Variants in TRPV1 observed in about 807,000 individuals in gnomAD.
TRPV1 encodes the protein OTRPC1.
Under a neutral mutation model 82.3 loss-of-function variants are expected in TRPV1, and 82 were observed. The observed-to-expected ratio is 1.00, with a 90% CI of 0.83 to 1.20. The LOEUF is 1.20. Among genes scored for constraint, TRPV1 ranks in the 50% most tolerant of loss-of-function variants. The probability of loss-of-function intolerance (pLI) is 0.00; values close to 1 mark genes in which losing one functional copy is unlikely to be tolerated. For missense variants in TRPV1, 1,067 were observed against 1,096.8 expected, an observed-to-expected ratio of 0.97 and a Z score of 0.38; for synonymous variants, 515 against 467.7, an observed-to-expected ratio of 1.10 and a Z score of -1.30.
chr17:3,605,078 C>T (rs992005040), intron 2 of TRPV1, among the ~76,000 whole-genome samples: 2 of 152,200 alleles, frequency 1.3e-5, no homozygotes, highest in African/African-American at 2.4e-5. Context: ...CCTAGCCTGA[C>T]CCCACTGCCT....
chr17:3,579,826 C>T (rs889570369), intron 11 of TRPV1, among the ~76,000 whole-genome samples: 5 of 152,186 alleles, frequency 3.3e-5, no homozygotes, highest in African/African-American at 7.2e-5. Context: ...CCTCCTAAAG[C>T]GGTGGTTCTC....
rs201836044 is a variant in TRPV1, at chr17:3,585,878, C to G, written c.1273G>C (p.Asp425His). The G allele has an allele frequency of 1.1e-5, 18 of 1,614,016 alleles. No homozygotes were observed. Among genetic ancestry groups the G allele is most frequent in the Non-Finnish European group, 1.5e-5 (18 of 1,179,880 alleles). Reference sequence around the variant, plus strand: ...CGCTTGACGAATCTGTCCCACTTGTCCTGCAGGAGTCGGTTCAGCGGCTCC... The same window carrying G: ...CGCTTGACGAATCTGTCCCACTTGTGCTGCAGGAGTCGGTTCAGCGGCTCC... ...LVEPLNRLLQ[D>H]KWDRFVKRIF... The change falls in exon 9 of 17, where the codon GAC (aspartate) becomes CAC (histidine). Residue 425 changes from aspartate to histidine, a missense_variant. Coordinates refer to ENST00000572705, the MANE Select transcript of TRPV1 (RefSeq NM_080704.4).
intron 7 of TRPV1, 61 bp from the exon 8 acceptor site, chr17:3,588,428 C>A: frequency 1.3e-6 from 2 of 1,515,578 alleles, no homozygotes; most frequent in Non-Finnish European, 1.8e-6. Context: ...CAGACAGTAC[C>A]TCAACAACCA....
At chr17:3,590,164 C>T (rs1597541855) in intron 6 of TRPV1, 59 bp from the exon 7 acceptor site, 1 of 1,585,436 alleles carries the variant, frequency 6.3e-7, no homozygotes, top group Non-Finnish European at 8.6e-7. Flanking sequence ...GCCCCTGAAC[C>T]ACCGGCCTCC....
intron 16 of TRPV1, among the ~76,000 whole-genome samples, chr17:3,569,791 AAAGGGTGTT>A (rs2074822440): frequency 6.6e-6 from 1 of 152,148 alleles, no homozygotes; most frequent in South Asian, 2.1e-4. Flanking sequence ...CAGAGTATTT[AAAGGGTGTT>A]AAGAAGGTCT....
chr17:3,596,303 C>T (rs1226237554), intron 2 of TRPV1, among the ~76,000 whole-genome samples: 1 of 116,258 alleles, frequency 8.6e-6, no homozygotes, highest in Non-Finnish European at 1.5e-5. Context: ...AAGCATCCAT[C>T]CATCCATCCA....
chr17:3,565,813 C>T lies in TRPV1; in HGVS notation c.*1002G>A, dbSNP rs2074753442. The T allele has an allele frequency of 6.6e-6, 1 of 152,256 alleles. No homozygotes were observed. Among genetic ancestry groups the T allele is most frequent in the Admixed American group, 6.5e-5 (1 of 15,272 alleles). 9.4% of individuals were successfully genotyped at this position (152,256 alleles called of 1,614,324 possible). On this transcript the variant is annotated 3_prime_UTR_variant, in exon 17 of 17. Coordinates refer to ENST00000572705, the MANE Select transcript of TRPV1 (RefSeq NM_080704.4). ...GAGGAAGGGCCTCTGCATTTTCCATCAAAGGAAGAGTTTGTTCCCAAAGGT... is the reference window on the plus strand; with the variant it reads ...GAGGAAGGGCCTCTGCATTTTCCATTAAAGGAAGAGTTTGTTCCCAAAGGT...
Position 3,590,328 on chromosome 17 carries a change from C to G in TRPV1, c.669G>C (p.Glu223Asp). The change falls in exon 6 of 17, where the codon GAG becomes GAC. Residue 223 changes from glutamate (E) to aspartate (D), a missense_variant. By Grantham distance (45) the Glu-to-Asp change is conservative (BLOSUM62 2). Coordinates refer to ENST00000572705, the MANE Select transcript of TRPV1 (RefSeq NM_080704.4). ...CCGCAGCCTGGACGTCTGCTCCGTT[C>G]TCCACCAGGAGGGTCACCAGGGCCA... Reference protein sequence around the residue: ...RNMALVTLLVENGADVQAAAH... With the variant: ...RNMALVTLLVDNGADVQAAAH... 2 of 1,614,042 alleles carry G rather than the reference C, an allele frequency of 1.2e-6. No individual in the cohort carries two copies. The highest frequency in any genetic ancestry group is 1.3e-5 in the African/African-American group (1 of 75,060).
At position 3,580,647 on chromosome 17, in the gene TRPV1, T is replaced by C. The variant is rs185095379; in HGVS notation, c.1477-120A>G. ...TGGTCGAATGTGTGAAAGCACAGAT[T>C]GTGAAAAGAGCAGAACAGCAAGGGT... On this transcript the variant is annotated intron_variant, in intron 10 of 16. Coordinates refer to ENST00000572705, the MANE Select transcript of TRPV1 (RefSeq NM_080704.4). The C allele has an allele frequency of 5.3e-5, 56 of 1,061,412 alleles. No homozygotes were observed. The African/African-American group carries it at 6.5e-4, about 12-fold the overall frequency. 65.7% of individuals were successfully genotyped at this position (1,061,412 alleles called of 1,614,324 possible). A position where few individuals can be genotyped will look rare whatever the true frequency, so the allele number is the denominator to read the frequency against.
chr17:3,600,755 G>A (rs898489148), intron 2 of TRPV1, among the ~76,000 whole-genome samples: 6 of 152,094 alleles, frequency 3.9e-5, no homozygotes, highest in African/African-American at 1.2e-4. Flanking sequence ...GGGAAGTCCC[G>A]GCCCTCCTCC....
intron 8 of TRPV1, among the ~76,000 whole-genome samples, chr17:3,586,776 TATAAA>T (rs562119113): frequency 1.3e-5 from 2 of 151,950 alleles, no homozygotes; most frequent in African/African-American, 4.8e-5. Context: ...TGTCTCAAAA[TATAAA>T]ATAAAATAAA....
chr17:3,591,954 G>A, intron 3 of TRPV1, 113 bp downstream of exon 3: 1 of 1,423,432 alleles, frequency 7.0e-7, no homozygotes, highest in South Asian at 1.4e-5. Context: ...CACCCCTAAG[G>A]CTCTCCAGCC....
rs1284611851 is a variant in TRPV1, at chr17:3,571,599, CCA to C, written c.2270_2271del (p.Val757GlyfsTer11). On this transcript the variant is annotated frameshift_variant, in exon 16 of 17. Coordinates refer to ENST00000572705, the MANE Select transcript of TRPV1 (RefSeq NM_080704.4). LOFTEE classifies it high-confidence loss of function. ...EVNWTTWNTN[V>X]GIINEDPGNC... ...TTGCCCGGGTCTTCGTTGATGATGC[CCA>C]CGTTGGTGTTCCAGGTGGTCCAGTT... 1 of 1,612,772 alleles carries C rather than the reference CCA, an allele frequency of 6.2e-7. No homozygotes were observed. Among genetic ancestry groups the C allele is most frequent in the Admixed American group, 1.7e-5 (1 of 59,880 alleles).
Position 3,591,235 on chromosome 17 carries a change from G to A in TRPV1, c.403C>T (p.Leu135Phe), listed in dbSNP as rs916661406. ...TGCTTCTTGCTCTTCTGCAGGAAGA[G>A]CAGCAGGCTCTCCAGATCCTGGCAG... ...NNCQDLESLLLFLQKSKKHLT... is the reference protein window; with the variant it reads ...NNCQDLESLLFFLQKSKKHLT... The change falls in exon 4 of 17, where the codon CTC becomes TTC. Residue 135 changes from leucine (L) to phenylalanine (F), a missense_variant. Coordinates refer to ENST00000572705, the MANE Select transcript of TRPV1 (RefSeq NM_080704.4). 2.5e-6 allele frequency: 4 copies of A among 1,613,074 alleles called. No individual in the cohort carries two copies. In the African/African-American group the frequency reaches 4.0e-5, roughly 16 times the overall value.
chr17:3,569,502 C>G (rs1321335793), intron 16 of TRPV1, among the ~76,000 whole-genome samples: 2 of 152,228 alleles, frequency 1.3e-5, no homozygotes, highest in African/African-American at 4.8e-5. Context: ...TGTGATCTCC[C>G]TAACTTTCTG....
chr17:3,584,946 A>G (rs2075065943), intron 9 of TRPV1, among the ~76,000 whole-genome samples: 1 of 152,236 alleles, frequency 6.6e-6, no homozygotes, highest in Non-Finnish European at 1.5e-5. Flanking sequence ...GGCTGGTCTT[A>G]GGCTGATTTG....
At chr17:3,568,331 A>AG (rs1271161172) in intron 16 of TRPV1, among the ~76,000 whole-genome samples, 4 of 151,910 alleles carry the variant, frequency 2.6e-5, no homozygotes, top group Non-Finnish European at 5.9e-5. Context: ...CAAAAAAAAA[A>AG]AAAAAAGAAA....
chr17:3,578,943 C>T (rs1331258057), intron 11 of TRPV1: 1 of 152,180 alleles, frequency 6.6e-6, no homozygotes, highest in Non-Finnish European at 1.5e-5. Flanking sequence ...CCAAATCCCA[C>T]ATGTTCTTAC....
chr17:3,582,067 G>A (rs1394995343), intron 10 of TRPV1, among the ~76,000 whole-genome samples: 1 of 148,338 alleles, frequency 6.7e-6, no homozygotes, highest in Admixed American at 6.9e-5. Context: ...GCGGGTGCCT[G>A]TAGTCCCAGC....
Sources: gnomAD v4.1 joint callset for allele counts (sites outside exome capture counted in the v4.1 genomes callset) on GRCh38, gnomAD v4.1.1 for gene constraint, MANE v1.5 for transcripts, NCBI Gene and HGNC (gene_info 2026-07-23, HGNC 2026-07-21) for gene names.